ADCY2: variants seen among roughly 807,000 people sequenced by gnomAD.
ADCY2 encodes adenylate cyclase type 2.
ADCY2 carries 31 observed loss-of-function variants against 125.2 expected under a neutral mutation model. The ratio of observed to expected loss-of-function variants is 0.25; its 90% CI spans 0.19 to 0.33. The LOEUF (loss-of-function observed/expected upper bound fraction) is 0.33. Ranked by LOEUF, ADCY2 falls within the 10% of genes least tolerant of loss-of-function variation. The probability of loss-of-function intolerance (pLI) is 1.00; values close to 1 mark genes in which losing one functional copy is unlikely to be tolerated. For missense variants in ADCY2, 904 were observed against 1,418.2 expected (o/e 0.64, Z 5.82); for synonymous variants, 512 against 548.4 (o/e 0.93, Z 0.93).
chr5:7,657,201 G>T (rs1299959436), intron 4 of ADCY2, among the ~76,000 whole-genome samples: 4 of 152,150 alleles, frequency 2.6e-5, no homozygotes, highest in Non-Finnish European at 5.9e-5. Context: ...TTTGAATAAA[G>T]GATGCTCAAC....
chr5:7,636,503 C>A, intron 4 of ADCY2, among the ~76,000 whole-genome samples: 1 of 152,122 alleles, frequency 6.6e-6, no homozygotes. Context: ...AGGTGGTTAC[C>A]AGAAGGCAGT....
In ADCY2 at chr5:7,712,911, C is replaced by T. The variant is rs1434589847; in HGVS notation, c.1622+12C>T. 1.3e-6 allele frequency: 2 copies of T among 1,586,466 alleles called. No individual in the cohort carries two copies. Among genetic ancestry groups the T allele is most frequent in the Non-Finnish European group, 1.7e-6 (2 of 1,156,256 alleles). On this transcript the variant is annotated intron_variant, in intron 11 of 24. Coordinates refer to ENST00000338316, the MANE Select transcript of ADCY2 (RefSeq NM_020546.3). ...AATCGCACCTTAAGGTATGGTATCTCTCTATCTGATTTTTTAAAGCTTATT... is the reference window on the plus strand; with the variant it reads ...AATCGCACCTTAAGGTATGGTATCTTTCTATCTGATTTTTTAAAGCTTATT...
intron 2 of ADCY2, among the ~76,000 whole-genome samples, chr5:7,473,608 C>T (rs1742418688): frequency 6.6e-6 from 1 of 152,170 alleles, no homozygotes; most frequent in Admixed American, 6.5e-5. Flanking sequence ...CTTTACCTTT[C>T]TCCCAGGTGT....
At chr5:7,483,865 G>T (rs1742828472) in intron 2 of ADCY2, among the ~76,000 whole-genome samples, 2 of 152,158 alleles carry the variant, frequency 1.3e-5, no homozygotes, top group Admixed American at 1.3e-4. Context: ...TTGCTAATCT[G>T]CAGTTCTCGC....
At chr5:7,763,051 T>TTTTGTTTG (rs200662811) in intron 16 of ADCY2, among the ~76,000 whole-genome samples, 1 of 150,522 alleles carries the variant, frequency 6.6e-6, no homozygotes, top group African/African-American at 2.5e-5. Context: ...TCTTTGTTTT[T>TTTTGTTTG]TTTGTTTGTT....
At chr5:7,645,361 G>A (rs12520264) in intron 4 of ADCY2, among the ~76,000 whole-genome samples, 31,789 of 152,086 alleles carry the variant, frequency 0.21, 4,417 homozygotes, top group Non-Finnish European at 0.31. Context: ...TAAAAGCGGA[G>A]CCGGCATTTG....
intron 22 of ADCY2, among the ~76,000 whole-genome samples, chr5:7,813,157 G>A (rs143024149): frequency 2.7e-4 from 41 of 152,310 alleles, no homozygotes; most frequent in African/African-American, 9.1e-4. Context: ...CTAGAAGCCC[G>A]TCAGGAGAAC....
intron 18 of ADCY2, among the ~76,000 whole-genome samples, chr5:7,781,903 G>A (rs1244503836): frequency 6.6e-6 from 1 of 152,078 alleles, no homozygotes; most frequent in Non-Finnish European, 1.5e-5. Flanking sequence ...GAAACCATAG[G>A]GGCCCTAACA....
At chr5:7,509,315 T>G (rs1325148314) in intron 2 of ADCY2, among the ~76,000 whole-genome samples, 1 of 152,052 alleles carries the variant, frequency 6.6e-6, no homozygotes, top group Non-Finnish European at 1.5e-5. Flanking sequence ...GGAATCAGGA[T>G]TAGGAGAAGA....
At chr5:7,799,821 A>G (rs921149307) in intron 20 of ADCY2, 1 of 152,286 alleles carries the variant, frequency 6.6e-6, no homozygotes, top group Non-Finnish European at 1.5e-5. Flanking sequence ...CCCTCTGGGA[A>G]GTCCCATTGG....
At chr5:7,482,195 C>T (rs2126474665) in intron 2 of ADCY2, among the ~76,000 whole-genome samples, 1 of 152,226 alleles carries the variant, frequency 6.6e-6, no homozygotes, top group Non-Finnish European at 1.5e-5. Flanking sequence ...AGCATTTTTT[C>T]CATAAACCTG....
At chr5:7,574,813 A>C (rs527321212) in intron 3 of ADCY2, among the ~76,000 whole-genome samples, 17 of 152,306 alleles carry the variant, frequency 1.1e-4, no homozygotes, top group African/African-American at 3.6e-4. Context: ...ATGCATGCAA[A>C]AATTTAGTTT....
Position 7,786,181 on chromosome 5 carries a change from G to A in ADCY2, c.2469+1732G>A, listed in dbSNP as rs374682078. 1.5e-3 allele frequency among the ~76,000 whole-genome samples: 233 copies of A among 152,218 alleles called. 1 individual carries two copies. The highest frequency in any genetic ancestry group is 3.4e-3 in the Middle Eastern group (1 of 294). On this transcript the variant is annotated intron_variant, in intron 19 of 24. Transcript: ENST00000338316. ...AATCACCGAATCTATATAAGACACC[G>A]TGGGAAATACCAAGGTGAGCCAGGA...
chr5:7,613,970 CAG>C (rs1302529338), intron 3 of ADCY2, among the ~76,000 whole-genome samples: 2 of 152,154 alleles, frequency 1.3e-5, no homozygotes, highest in African/African-American at 4.8e-5. Context: ...TATGTGTAGA[CAG>C]AAGAGAACTC....
At chr5:7,757,694 A>G in intron 16 of ADCY2, 108 bp downstream of exon 16, 1 of 1,451,804 alleles carries the variant, frequency 6.9e-7, no homozygotes, top group Non-Finnish European at 9.2e-7. Flanking sequence ...TAAGCCCCAC[A>G]CCATAGCTGT....
chr5:7,657,109 C>G (rs887173672), intron 4 of ADCY2, among the ~76,000 whole-genome samples: 2 of 152,216 alleles, frequency 1.3e-5, no homozygotes, highest in Non-Finnish European at 2.9e-5. Flanking sequence ...TGGGTCCTAT[C>G]CCCAAGATAT....
At chr5:7,499,677 A>ATG (rs1743489880) in intron 2 of ADCY2, among the ~76,000 whole-genome samples, 1 of 131,092 alleles carries the variant, frequency 7.6e-6, no homozygotes, top group African/African-American at 2.8e-5. Context: ...ATATATATAT[A>ATG]TATATGTATA....
intron 1 of ADCY2, among the ~76,000 whole-genome samples, chr5:7,406,020 T>C (rs1739475665): frequency 6.6e-6 from 1 of 151,620 alleles, no homozygotes; most frequent in African/African-American, 2.4e-5. Context: ...CACCGTGCCC[T>C]ACTAATTTTT....
chr5:7,616,092 G>A (rs1737751348), intron 3 of ADCY2, among the ~76,000 whole-genome samples: 1 of 152,056 alleles, frequency 6.6e-6, no homozygotes, highest in Non-Finnish European at 1.5e-5. Context: ...AAAACTCCTG[G>A]GAATTTCGTT....
Sources: allele counts gnomAD v4.1 joint callset (sites outside exome capture counted in the v4.1 genomes callset), GRCh38; gene constraint gnomAD v4.1.1; transcripts MANE v1.5; gene names NCBI Gene and HGNC (gene_info 2026-07-23, HGNC 2026-07-21).